RPS6KA6: variants seen among roughly 807,000 people sequenced by gnomAD.
The protein encoded by RPS6KA6 is ribosomal protein S6 kinase A6.
A neutral mutation model predicts 65.4 loss-of-function variants in RPS6KA6; 27 were observed. The ratio of observed to expected loss-of-function variants is 0.41; its 90% CI spans 0.30 to 0.57. The LOEUF (loss-of-function observed/expected upper bound fraction) is 0.57, where lower values mean the gene tolerates loss of function less well. Among genes scored for constraint, RPS6KA6 ranks in the 20% least tolerant of loss-of-function variants. The probability of loss-of-function intolerance (pLI) is 0.24; values close to 1 mark genes in which losing one functional copy is unlikely to be tolerated. For synonymous variants in RPS6KA6, 190 were observed against 184.2 expected, an observed-to-expected ratio of 1.03 and a Z score of -0.26; for missense variants, 486 against 555.6, an observed-to-expected ratio of 0.87 and a Z score of 1.26.
intron 9 of RPS6KA6, 63 bp downstream of exon 9, chrX:84,119,822 A>C (rs1174248521): frequency 2.1e-6 from 2 of 952,551 alleles, no homozygotes; most frequent in African/African-American, 4.1e-5. Flanking sequence ...ATTTGAATTA[A>C]AATAAAATTA....
At chrX:84,072,157 A>C (rs1042444366) in intron 20 of RPS6KA6, among the ~76,000 whole-genome samples, 1 of 111,796 alleles carries the variant, frequency 8.9e-6, no homozygotes, top group Non-Finnish European at 1.9e-5. Context: ...ACATAGATGC[A>C]AAAATCCCCA....
chrX:84,167,991 A>T (rs964337390), intron 1 of RPS6KA6, among the ~76,000 whole-genome samples: 5 of 111,786 alleles, frequency 4.5e-5, no homozygotes, highest in Non-Finnish European at 9.4e-5. Context: ...TATTCTAAAA[A>T]AAAATCCCAT....
At chrX:84,090,512 T>C (rs1345351135) in intron 20 of RPS6KA6, among the ~76,000 whole-genome samples, 2 of 110,815 alleles carry the variant, frequency 1.8e-5, no homozygotes, top group South Asian at 3.8e-4. Flanking sequence ...GACTGGGAAA[T>C]GTATAAAGAG....
At chrX:84,127,282 A>C (rs995967675) in intron 8 of RPS6KA6, among the ~76,000 whole-genome samples, 5 of 111,036 alleles carry the variant, frequency 4.5e-5, no homozygotes, top group African/African-American at 1.6e-4. Flanking sequence ...GAAATCCAAA[A>C]CCTGAAGAGG....
At chrX:84,078,448 T>C (rs1043759587) in intron 20 of RPS6KA6, among the ~76,000 whole-genome samples, 3 of 108,200 alleles carry the variant, frequency 2.8e-5, no homozygotes, top group Non-Finnish European at 5.7e-5. Context: ...TAGGTATTTA[T>C]ACAAAAAAAA....
chrX:84,162,476 TCA>T (rs904257231), intron 2 of RPS6KA6, among the ~76,000 whole-genome samples: 14 of 111,755 alleles, frequency 1.3e-4, no homozygotes, highest in Admixed American at 4.7e-4. Flanking sequence ...CTCCAAAATT[TCA>T]CACTCTACCT....
intron 20 of RPS6KA6, among the ~76,000 whole-genome samples, chrX:84,066,809 C>T (rs2033415217): frequency 8.9e-6 from 1 of 111,926 alleles, no homozygotes. Flanking sequence ...GGGTCCCTGA[C>T]CCCTGTGCCT....
chrX:84,089,384 T>A (rs1054449743), intron 20 of RPS6KA6, among the ~76,000 whole-genome samples: 12 of 111,849 alleles, frequency 1.1e-4, no homozygotes, highest in African/African-American at 3.9e-4. Context: ...TGAGGTGCCA[T>A]GGAAGTGGGG....
intron 4 of RPS6KA6, among the ~76,000 whole-genome samples, chrX:84,147,429 C>T (rs2035218800): frequency 9.0e-6 from 1 of 111,139 alleles, no homozygotes; most frequent in Non-Finnish European, 1.9e-5. Context: ...ATCTCAGCTT[C>T]CCGAGCAGCT....
chrX:84,069,343 G>A (rs992025163), intron 20 of RPS6KA6, among the ~76,000 whole-genome samples: 2 of 111,642 alleles, frequency 1.8e-5, no homozygotes, highest in African/African-American at 6.5e-5. Flanking sequence ...AATGGTGCTG[G>A]GAAAACTGGC....
chrX:84,098,863 T>G (rs957384052), intron 18 of RPS6KA6, among the ~76,000 whole-genome samples: 4 of 111,429 alleles, frequency 3.6e-5, no homozygotes, highest in Admixed American at 9.6e-5. Context: ...ATTGGCTTAT[T>G]TAAATAATAC....
chrX:84,157,791 A>T (rs1317737011), intron 2 of RPS6KA6, among the ~76,000 whole-genome samples: 1 of 110,996 alleles, frequency 9.0e-6, no homozygotes, highest in African/African-American at 3.3e-5. Context: ...CAGAGTTAGG[A>T]AACAAATTGT....
chrX:84,163,872 G>A (rs889666924), intron 2 of RPS6KA6, among the ~76,000 whole-genome samples: 2 of 111,183 alleles, frequency 1.8e-5, no homozygotes, highest in Non-Finnish European at 3.8e-5. Flanking sequence ...AGAAACTTCT[G>A]AAATAATTTA....
rs2033822397 is a variant in RPS6KA6 at position 84,082,513 on chromosome X, C to T, written c.1971+13681G>A. Among the ~76,000 whole-genome samples the T allele has an allele frequency of 2.7e-5, 3 of 111,862 alleles. No individual in the cohort carries two copies. The Admixed American group carries it at 2.8e-4, about 11-fold the overall frequency. ...GAAGAATCAATACCGTGAAAATGGC[C>T]ATAGTGCCCAAAGTAATTTATAGAT... On this transcript the variant is annotated intron_variant, in intron 20 of 21. Coordinates refer to ENST00000262752, the MANE Select transcript of RPS6KA6 (RefSeq NM_014496.5).
chrX:84,061,987 T>A lies in RPS6KA6; in HGVS notation c.*2290A>T, dbSNP rs1005465531. ...TTGAAGCTCTCCCATATAATAAGGT[T>A]GCCCCCTACTACTGTGGTTAAGCTA... On this transcript the variant is annotated 3_prime_UTR_variant, in exon 22 of 22. Coordinates refer to ENST00000262752, the MANE Select transcript of RPS6KA6 (RefSeq NM_014496.5). 1 of 111,261 alleles carries A rather than the reference T, an allele frequency of 9.0e-6. No homozygotes were observed. Among genetic ancestry groups the A allele is most frequent in the African/African-American group, 3.3e-5 (1 of 30,659 alleles). 9.2% of individuals were successfully genotyped at this position (111,261 alleles called of 1,213,427 possible).
chrX:84,127,970 C>A (rs2034826642), intron 8 of RPS6KA6, among the ~76,000 whole-genome samples: 1 of 111,138 alleles, frequency 9.0e-6, no homozygotes, highest in South Asian at 3.8e-4. Context: ...AAGTCCTAAC[C>A]AGAGCAATCA....
chrX:84,065,552 A>G (rs1163173423), intron 20 of RPS6KA6, among the ~76,000 whole-genome samples: 4 of 111,960 alleles, frequency 3.6e-5, no homozygotes, highest in Non-Finnish European at 7.5e-5. Context: ...GTGGCTTACT[A>G]TATAACATAT....
At chrX:84,065,965 G>A (rs933901192) in intron 20 of RPS6KA6, among the ~76,000 whole-genome samples, 37 of 111,305 alleles carry the variant, frequency 3.3e-4, no homozygotes, top group African/African-American at 1.1e-3. Flanking sequence ...AACTCACGGA[G>A]GGTGAGCAGA....
At chrX:84,115,879 T>C (rs2034555335) in intron 12 of RPS6KA6, among the ~76,000 whole-genome samples, 2 of 111,478 alleles carry the variant, frequency 1.8e-5, no homozygotes, top group Non-Finnish European at 3.8e-5. Context: ...TTCTCACTTA[T>C]AAGTGGGAGC....
Sources: allele counts gnomAD v4.1 joint callset (sites outside exome capture counted in the v4.1 genomes callset), GRCh38; gene constraint gnomAD v4.1.1; transcripts MANE v1.5; gene names NCBI Gene and HGNC (gene_info 2026-07-23, HGNC 2026-07-21).